The following NEGR1 variants were observed in gnomAD, a reference collection of about 807,000 sequenced individuals.
NEGR1 encodes neuronal growth regulator 1, also known as IgLON family member 4.
NEGR1 carries 10 observed loss-of-function variants against 40.9 expected under a neutral mutation model. The observed-to-expected ratio is 0.24, with a 90% CI of 0.15 to 0.42. The LOEUF (loss-of-function observed/expected upper bound fraction) is 0.42. Among genes scored for constraint, NEGR1 ranks in the 10% least tolerant of loss-of-function variants. The pLI is 1.00. For missense variants in NEGR1, 352 were observed against 438.9 expected, an observed-to-expected ratio of 0.80 and a Z score of 1.77; for synonymous variants, 185 against 166.8, an observed-to-expected ratio of 1.11 and a Z score of -0.84.
intron 1 of NEGR1, among the ~76,000 whole-genome samples, chr1:72,243,554 C>T: frequency 6.6e-6 from 1 of 151,890 alleles, no homozygotes; most frequent in East Asian, 1.9e-4. Context: ...GCAGCAGAGT[C>T]TGTCACAGTC....
At chr1:72,279,829 GGAGA>G (rs1427437802) in intron 1 of NEGR1, among the ~76,000 whole-genome samples, 3 of 152,040 alleles carry the variant, frequency 2.0e-5, no homozygotes, top group Non-Finnish European at 4.4e-5. Context: ...ATTTTCTAAT[GGAGA>G]GAGAATTTCT....
chr1:71,987,957 AT>A (rs1479422432), intron 1 of NEGR1, among the ~76,000 whole-genome samples: 1 of 152,228 alleles, frequency 6.6e-6, no homozygotes, highest in African/African-American at 2.4e-5. Context: ...TTTAAAAAAA[AT>A]CTTAAGAAAT....
At chr1:72,224,806 A>G (rs1413646023) in intron 1 of NEGR1, among the ~76,000 whole-genome samples, 1 of 152,054 alleles carries the variant, frequency 6.6e-6, no homozygotes, top group East Asian at 1.9e-4. Flanking sequence ...CCTGATCTAT[A>G]GTCAGTTTGT....
intron 6 of NEGR1, among the ~76,000 whole-genome samples, chr1:71,540,197 C>T (rs1344763887): frequency 6.6e-6 from 1 of 151,746 alleles, no homozygotes; most frequent in Non-Finnish European, 1.5e-5. Context: ...TCCATTATCA[C>T]AGAAGAATAA....
chr1:71,534,280 G>A (rs1338030930), intron 6 of NEGR1, among the ~76,000 whole-genome samples: 4 of 151,704 alleles, frequency 2.6e-5, no homozygotes, highest in South Asian at 2.1e-4. Context: ...CTTTTTAGTC[G>A]AACTATTGGT....
chr1:71,557,764 C>T (rs1050769804), intron 6 of NEGR1, among the ~76,000 whole-genome samples: 10 of 151,542 alleles, frequency 6.6e-5, no homozygotes, highest in Non-Finnish European at 1.5e-4. Flanking sequence ...TTAACATAGG[C>T]ACAATGTCAT....
At chr1:71,996,638 T>C (rs1646506795) in intron 1 of NEGR1, among the ~76,000 whole-genome samples, 1 of 152,124 alleles carries the variant, frequency 6.6e-6, no homozygotes, top group South Asian at 2.1e-4. Flanking sequence ...ACATATGATC[T>C]TGATCCCATT....
At chr1:71,954,251 T>C (rs1422054487) in intron 1 of NEGR1, among the ~76,000 whole-genome samples, 3 of 151,936 alleles carry the variant, frequency 2.0e-5, no homozygotes, top group African/African-American at 7.2e-5. Context: ...CTCATTTGAT[T>C]CAATAGAGTG....
At chr1:71,492,111 GGAGAGCTAT>G (rs1646933859) in intron 6 of NEGR1, among the ~76,000 whole-genome samples, 1 of 152,046 alleles carries the variant, frequency 6.6e-6, no homozygotes, top group Admixed American at 6.6e-5. Context: ...CTTTGATCTT[GGAGAGCTAT>G]GAGAAATGCA....
intron 1 of NEGR1, among the ~76,000 whole-genome samples, chr1:72,113,625 G>A (rs369401177): frequency 4.6e-4 from 69 of 151,520 alleles, no homozygotes; most frequent in African/African-American, 1.5e-3. Flanking sequence ...AGAGCACAAG[G>A]AAAGTGTGGT....
At chr1:71,910,462 A>G (rs955893924) in intron 2 of NEGR1, among the ~76,000 whole-genome samples, 37 of 152,196 alleles carry the variant, frequency 2.4e-4, no homozygotes, top group African/African-American at 8.2e-4. Flanking sequence ...TTGATTATAC[A>G]ATTTGATATT....
intron 2 of NEGR1, among the ~76,000 whole-genome samples, chr1:71,784,872 T>A (rs985504225): frequency 7.2e-5 from 11 of 152,222 alleles, no homozygotes; most frequent in African/African-American, 2.7e-4. Context: ...TTAGAGAGCT[T>A]AACATTTATG....
intron 1 of NEGR1, among the ~76,000 whole-genome samples, chr1:71,947,956 TC>T (rs1646036406): frequency 6.6e-6 from 1 of 152,124 alleles, no homozygotes. Flanking sequence ...CTTCTAATCT[TC>T]CCTTTCTATC....
intron 2 of NEGR1, among the ~76,000 whole-genome samples, chr1:71,851,045 C>T (rs975388644): frequency 3.9e-5 from 6 of 152,118 alleles, no homozygotes; most frequent in Non-Finnish European, 7.3e-5. Context: ...TTCCTGTGGG[C>T]CTTTGAAAGT....
At chr1:71,903,356 A>G (rs1570482820) in intron 2 of NEGR1, among the ~76,000 whole-genome samples, 1 of 152,168 alleles carries the variant, frequency 6.6e-6, no homozygotes, top group South Asian at 2.1e-4. Flanking sequence ...TTCTGCTGTC[A>G]GCAAAATTAA....
At chr1:71,701,029 T>A (rs1251433654) in intron 3 of NEGR1, among the ~76,000 whole-genome samples, 5 of 152,084 alleles carry the variant, frequency 3.3e-5, no homozygotes, top group South Asian at 2.1e-4. Context: ...ACAAAAAAAA[T>A]TAATTATCCT....
chr1:71,499,512 AT>A (rs1432602585), intron 6 of NEGR1, among the ~76,000 whole-genome samples: 1 of 148,114 alleles, frequency 6.8e-6, no homozygotes, highest in Non-Finnish European at 1.5e-5. Flanking sequence ...TGTTATATAT[AT>A]TATTATTATA....
chr1:71,656,972 G>A (rs1367862048), intron 4 of NEGR1, among the ~76,000 whole-genome samples: 1 of 152,168 alleles, frequency 6.6e-6, no homozygotes, highest in African/African-American at 2.4e-5. Context: ...TTGCAGCATG[G>A]ATATCTAATA....
chr1:71,906,637 T>C (rs546744586), intron 2 of NEGR1, among the ~76,000 whole-genome samples: 19 of 151,732 alleles, frequency 1.3e-4, no homozygotes, highest in African/African-American at 4.6e-4. Flanking sequence ...GAGTTTAAAA[T>C]AGTGAAAAAA....
Sources: allele counts gnomAD v4.1 joint callset (sites outside exome capture counted in the v4.1 genomes callset), GRCh38; gene constraint gnomAD v4.1.1; transcripts MANE v1.5; gene names NCBI Gene and HGNC (gene_info 2026-07-23, HGNC 2026-07-21).